THADA: variants seen among roughly 807,000 people sequenced by gnomAD.
The protein encoded by THADA is tRNA (32-2'-O)-methyltransferase regulator THADA.
A neutral mutation model predicts 219.8 loss-of-function variants in THADA; 213 were observed. That is an observed-to-expected ratio of 0.97 (90% CI 0.87 to 1.09). The LOEUF (loss-of-function observed/expected upper bound fraction) is 1.09. THADA is among the 50% of genes least tolerant of loss of function. The pLI is 0.00. For synonymous variants in THADA, 1,018 were observed against 828.9 expected (o/e 1.23, Z -3.92); for missense variants, 2,956 against 2,311.3 (o/e 1.28, Z -5.72).
intron 29 of THADA, among the ~76,000 whole-genome samples, chr2:43,362,605 G>A (rs1361480166): frequency 1.3e-5 from 2 of 152,168 alleles, no homozygotes; most frequent in African/African-American, 4.8e-5. Flanking sequence ...AGTGAGTGGT[G>A]AGTGAATGTG....
intron 36 of THADA, among the ~76,000 whole-genome samples, chr2:43,253,883 C>A (rs1670053024): frequency 6.6e-6 from 1 of 152,066 alleles, no homozygotes; most frequent in Non-Finnish European, 1.5e-5. Flanking sequence ...GGTTCTTTGG[C>A]CTAGCATTCC....
At chr2:43,341,260 T>C (rs1029276585) in intron 30 of THADA, among the ~76,000 whole-genome samples, 3 of 152,174 alleles carry the variant, frequency 2.0e-5, no homozygotes, top group African/African-American at 7.2e-5. Flanking sequence ...TGTCCTACAT[T>C]CTGGGCAAGG....
Position 43,516,879 on chromosome 2 carries a change from T to C in THADA, c.3375-8099A>G, listed in dbSNP as rs1041415564. On this transcript the variant is annotated intron_variant, in intron 22 of 37. Coordinates refer to ENST00000405975, the MANE Select transcript of THADA (RefSeq NM_022065.5). ...TTTGCACTATGCTATGTCCTAAAAA[T>C]AGAACCGCAGAATAAAAATTCCAAA... is the stretch of plus-strand genomic sequence containing the variant. Among the ~76,000 whole-genome samples the C allele has an allele frequency of 2.0e-5, 3 of 152,280 alleles. No homozygotes were observed. The South Asian group carries it at 6.2e-4, about 32-fold the overall frequency.
chr2:43,568,037 G>C (rs1056657586), intron 14 of THADA, among the ~76,000 whole-genome samples: 5 of 151,948 alleles, frequency 3.3e-5, no homozygotes, highest in African/African-American at 4.8e-5. Flanking sequence ...GGGTGGGGGG[G>C]AGAAAATACT....
intron 31 of THADA, among the ~76,000 whole-genome samples, chr2:43,316,830 G>A (rs1466347366): frequency 6.6e-6 from 1 of 152,200 alleles, no homozygotes; most frequent in Non-Finnish European, 1.5e-5. Flanking sequence ...GGGAGGCTGA[G>A]GCAGAAGAGT....
intron 26 of THADA, 126 bp downstream of exon 26, chr2:43,485,108 C>T (rs1686746243): frequency 3.0e-6 from 2 of 664,196 alleles, no homozygotes; most frequent in East Asian, 2.8e-5. Context: ...TAATTCATTA[C>T]AGTATTTTTA....
intron 29 of THADA, among the ~76,000 whole-genome samples, chr2:43,397,670 G>C (rs552874143): frequency 6.6e-6 from 1 of 151,784 alleles, no homozygotes; most frequent in South Asian, 2.1e-4. Flanking sequence ...ATACTTGATG[G>C]AAAAGACAAA....
intron 8 of THADA, among the ~76,000 whole-genome samples, chr2:43,580,491 C>T (rs1700317493): frequency 6.7e-6 from 1 of 149,690 alleles, no homozygotes; most frequent in African/African-American, 2.4e-5. Context: ...TAACTACTTT[C>T]CTTTCCTTTT....
intron 24 of THADA, among the ~76,000 whole-genome samples, chr2:43,500,636 T>G (rs1481498680): frequency 6.6e-6 from 1 of 152,196 alleles, no homozygotes; most frequent in Non-Finnish European, 1.5e-5. Flanking sequence ...CTGGGTAGAT[T>G]AAAAATTGCA....
intron 29 of THADA, among the ~76,000 whole-genome samples, chr2:43,378,908 T>C (rs1040729381): frequency 6.6e-6 from 1 of 152,146 alleles, no homozygotes; most frequent in Non-Finnish European, 1.5e-5. Flanking sequence ...ACCAGCCTAA[T>C]AATATCTTCA....
Position 43,560,255 on chromosome 2 carries a change from T to C in THADA, c.2442A>G (p.Ser814=). The change falls in exon 16 of 38, where the codon TCA becomes TCG. Residue 814 remains serine (S), a synonymous_variant. Coordinates refer to ENST00000405975, the MANE Select transcript of THADA (RefSeq NM_022065.5). Reference sequence around the variant, plus strand: ...ATACCTGAAAATGTACAGCTGTTTTTGATAACTTCATCAGAAGATCAAATG... The same window carrying C: ...ATACCTGAAAATGTACAGCTGTTTTCGATAACTTCATCAGAAGATCAAATG... ...ILAFDLLMKL[S]KTAVHFQDSG... The C allele has an allele frequency of 1.2e-6, 2 of 1,612,288 alleles. No individual in the cohort carries two copies. Among genetic ancestry groups the C allele is most frequent in the South Asian group, 2.2e-5 (2 of 90,620 alleles).
At chr2:43,503,296 G>A (rs1051184215) in intron 24 of THADA, among the ~76,000 whole-genome samples, 5 of 152,274 alleles carry the variant, frequency 3.3e-5, no homozygotes, top group African/African-American at 1.2e-4. Flanking sequence ...AAGAAAACGG[G>A]AAACAACCTA....
rs113136086 is a variant in THADA, at chr2:43,562,862, T to C, written c.2312-2477A>G. On this transcript the variant is annotated intron_variant, in intron 15 of 37. Transcript: ENST00000405975. The stretch of plus-strand genomic sequence containing the variant: ...GTTATCTAACTTGTTGGTGTTACAA[T>C]TGTTCACTGTACTGTCTTATAATCA... The C allele has an allele frequency of 1.3e-3, 201 of 152,358 alleles. 1 individual carries two copies. Among genetic ancestry groups the C allele is most frequent in the African/African-American group, 4.7e-3 (197 of 41,596 alleles). 9.4% of individuals were successfully genotyped at this position (152,358 alleles called of 1,614,324 possible). A position where few individuals can be genotyped will look rare whatever the true frequency, so the allele number is the denominator to read the frequency against.
In THADA at chr2:43,578,545, T is replaced by C. The variant is rs376415620; in HGVS notation, c.784A>G (p.Met262Val). ...GLAIILFIKT[M>V]FHPSEKIPHL... ...GGAATCTTTTCAGACGGGTGAAACATAGTCTTAATAAAAAGAATAATAGCT... is the reference window on the plus strand; with the variant it reads ...GGAATCTTTTCAGACGGGTGAAACACAGTCTTAATAAAAAGAATAATAGCT... Residue 262 changes from methionine to valine, a missense_variant, in exon 9 of 38, where the codon ATG (methionine) becomes GTG (valine). By Grantham distance (21) the Met-to-Val change is conservative. Transcript: ENST00000405975. 5.6e-6 allele frequency: 9 copies of C among 1,612,548 alleles called. No homozygotes were observed. In the East Asian group the frequency reaches 6.7e-5, roughly 12 times the overall value.
In THADA at chr2:43,566,685, A is replaced by G; in HGVS notation, c.2311+13T>C. 2 of 1,609,326 alleles carry G rather than the reference A, an allele frequency of 1.2e-6. No individual in the cohort carries two copies. Among genetic ancestry groups the G allele is most frequent in the Non-Finnish European group, 1.7e-6 (2 of 1,178,444 alleles). ...AACAAAAATTACTTCCCCTAACATT[A>G]TTAAACACTTACCTTCTGGGACATG... On this transcript the variant is annotated intron_variant, in intron 15 of 37. Coordinates refer to ENST00000405975, the MANE Select transcript of THADA (RefSeq NM_022065.5).
chr2:43,467,226 G>A (rs1468262893), intron 26 of THADA, among the ~76,000 whole-genome samples: 1 of 148,982 alleles, frequency 6.7e-6, no homozygotes, highest in Non-Finnish European at 1.5e-5. Flanking sequence ...GATGCTGCTT[G>A]GCAGAACTTT....
chr2:43,525,655 C>T (rs949138915), intron 22 of THADA, among the ~76,000 whole-genome samples: 1 of 152,210 alleles, frequency 6.6e-6, no homozygotes, highest in Non-Finnish European at 1.5e-5. Flanking sequence ...ACCAGTTCAT[C>T]TGCCAGCTGA....
chr2:43,591,559 CAA>C (rs528846481), intron 3 of THADA, among the ~76,000 whole-genome samples: 3 of 142,304 alleles, frequency 2.1e-5, no homozygotes, highest in Non-Finnish European at 3.1e-5. Context: ...ACTTGCTTTC[CAA>C]AAAAAAAAAC....
intron 23 of THADA, among the ~76,000 whole-genome samples, chr2:43,507,022 A>G (rs1558873995): frequency 6.6e-6 from 1 of 152,254 alleles, no homozygotes; most frequent in East Asian, 1.9e-4. Flanking sequence ...TAATCTGTCT[A>G]CACAAAAGGT....
Sources: allele counts gnomAD v4.1 joint callset (sites outside exome capture counted in the v4.1 genomes callset), GRCh38; gene constraint gnomAD v4.1.1; transcripts MANE v1.5; gene names NCBI Gene and HGNC (gene_info 2026-07-23, HGNC 2026-07-21).